Variants in FBN1 observed in about 807,000 individuals in gnomAD.
The protein encoded by FBN1 is fibrillin-1.
A neutral mutation model predicts 365.1 loss-of-function variants in FBN1; 29 were observed. The observed-to-expected ratio is 0.08, with a 90% CI of 0.06 to 0.11. The LOEUF (loss-of-function observed/expected upper bound fraction) is 0.11. Ranked by LOEUF, FBN1 falls within the 10% of genes least tolerant of loss-of-function variation. FBN1 has a pLI of 1.00. For synonymous variants in FBN1, 1,210 were observed against 1,270.5 expected (o/e 0.95, Z 1.01); for missense variants, 2,476 against 3,703.2 (o/e 0.67, Z 8.60).
intron 2 of FBN1, among the ~76,000 whole-genome samples, chr15:48,631,281 T>C (rs1263577272): frequency 6.6e-6 from 1 of 152,208 alleles, no homozygotes; most frequent in Non-Finnish European, 1.5e-5. Flanking sequence ...TGTTGCTGCA[T>C]GGCATGAAGC....
At chr15:48,529,782 C>T (rs2084425320) in intron 8 of FBN1, 1 of 152,890 alleles carries the variant, frequency 6.5e-6, no homozygotes. Flanking sequence ...GCTGACTCTT[C>T]ATGTTGACAA....
intron 56 of FBN1, among the ~76,000 whole-genome samples, chr15:48,429,959 T>C (rs1483816508): frequency 6.6e-6 from 1 of 152,230 alleles, no homozygotes; most frequent in African/African-American, 2.4e-5. Context: ...TAGGGTCAAA[T>C]AGGAAATATT....
chr15:48,599,928 T>C (rs911141552), intron 5 of FBN1, among the ~76,000 whole-genome samples: 1 of 152,248 alleles, frequency 6.6e-6, no homozygotes, highest in South Asian at 2.1e-4. Context: ...GGAAAATGAA[T>C]CAAACAACCT....
At chr15:48,421,441 G>T in intron 62 of FBN1, 117 bp downstream of exon 62, 1 of 1,243,084 alleles carries the variant, frequency 8.0e-7, no homozygotes, top group Non-Finnish European at 1.1e-6. Flanking sequence ...TTAGCTGAGT[G>T]CCCCCCTGGG....
intron 10 of FBN1, among the ~76,000 whole-genome samples, chr15:48,517,541 A>G (rs2043815872): frequency 6.6e-6 from 1 of 152,198 alleles, no homozygotes; most frequent in Non-Finnish European, 1.5e-5. Context: ...ACTATTTTTC[A>G]CAGTGTCAGG....
At chr15:48,523,171 C>T (rs2043875339) in intron 9 of FBN1, among the ~76,000 whole-genome samples, 1 of 152,216 alleles carries the variant, frequency 6.6e-6, no homozygotes, top group Non-Finnish European at 1.5e-5. Context: ...GGCTTATATC[C>T]CAGCTTCAAA....
In FBN1 at chr15:48,428,347, A is replaced by T. The variant is rs1338271976; in HGVS notation, c.6996T>A (p.Leu2332=). ...AAGTGCGGTGCCAACTGTACTCACCAAGGCACTCGTCCTGGTTGGGGCTGG... is the reference window on the plus strand; with the variant it reads ...AAGTGCGGTGCCAACTGTACTCACCTAGGCACTCGTCCTGGTTGGGGCTGG... ...FTASPNQDEC[L]DNREGYCFTE... The change falls in exon 57 of 66, where the codon CTT becomes CTA. Residue 2332 remains leucine (L), a splice_region_variant and synonymous_variant. Coordinates refer to ENST00000316623, the MANE Select transcript of FBN1 (RefSeq NM_000138.5). The T allele has an allele frequency of 1.9e-6, 3 of 1,614,082 alleles. No individual in the cohort carries two copies. In the East Asian group the frequency reaches 6.7e-5, roughly 36 times the overall value.
At chr15:48,535,342 G>A (rs574557258) in intron 7 of FBN1, among the ~76,000 whole-genome samples, 1 of 152,176 alleles carries the variant, frequency 6.6e-6, no homozygotes, top group Non-Finnish European at 1.5e-5. Flanking sequence ...AGAAAGCAGG[G>A]ACTTTGTCCA....
rs1391573255 is a variant in FBN1 at position 48,408,541 on chromosome 15, T to C, written c.*2449A>G. On this transcript the variant is annotated 3_prime_UTR_variant, in exon 66 of 66. Transcript: ENST00000316623. ...TGGCAAATGAAATGGGCTGAGGGGG[T>C]AGAGACAAGATATTTTCAAGCTTCT... 2 of 152,422 alleles carry C rather than the reference T, an allele frequency of 1.3e-5. No individual in the cohort carries two copies. The highest frequency in any genetic ancestry group is 2.9e-5 in the Non-Finnish European group (2 of 68,010). 9.4% of individuals were successfully genotyped at this position (152,422 alleles called of 1,614,324 possible).
intron 63 of FBN1, among the ~76,000 whole-genome samples, chr15:48,419,657 G>A (rs2042925302): frequency 6.6e-6 from 1 of 152,202 alleles, no homozygotes; most frequent in Admixed American, 6.5e-5. Flanking sequence ...AATCAAACTA[G>A]ATGACAGAGA....
At chr15:48,527,731 T>A (rs1367006652) in intron 8 of FBN1, among the ~76,000 whole-genome samples, 1 of 152,246 alleles carries the variant, frequency 6.6e-6, no homozygotes, top group East Asian at 1.9e-4. Flanking sequence ...AAATCACCAT[T>A]CTTCCATGCT....
At chr15:48,447,994 A>G (rs1281625331) in intron 46 of FBN1, among the ~76,000 whole-genome samples, 1 of 152,160 alleles carries the variant, frequency 6.6e-6, no homozygotes, top group Non-Finnish European at 1.5e-5. Flanking sequence ...GGATCATCAT[A>G]GCTTTTACAC....
chr15:48,580,550 A>G (rs988205678), intron 6 of FBN1, among the ~76,000 whole-genome samples: 5 of 152,210 alleles, frequency 3.3e-5, no homozygotes, highest in Non-Finnish European at 7.3e-5. Flanking sequence ...CCTACAGTCA[A>G]AAGACCGGGT....
intron 25 of FBN1, 31 bp from the exon 26 acceptor site, chr15:48,488,524 A>C: frequency 1.2e-6 from 2 of 1,609,260 alleles, no homozygotes; most frequent in Non-Finnish European, 1.7e-6. Context: ...GGGGCAAAAT[A>C]AGTTTATGAG....
intron 6 of FBN1, among the ~76,000 whole-genome samples, chr15:48,546,108 G>A (rs1488796083): frequency 1.3e-5 from 2 of 152,178 alleles, no homozygotes; most frequent in Non-Finnish European, 2.9e-5. Context: ...TTTTACAACT[G>A]TAAAACAGAA....
chr15:48,434,776 A>C, intron 53 of FBN1, 63 bp from the exon 54 acceptor site: 3 of 1,590,684 alleles, frequency 1.9e-6, no homozygotes, highest in Non-Finnish European at 2.6e-6. Context: ...TTATTCTATC[A>C]GAGGATTTTA....
chr15:48,523,375 T>C (rs1245097544), intron 9 of FBN1, among the ~76,000 whole-genome samples: 1 of 152,242 alleles, frequency 6.6e-6, no homozygotes, highest in Non-Finnish European at 1.5e-5. Flanking sequence ...GGCTGACTTA[T>C]ATGTTAAATC....
intron 13 of FBN1, among the ~76,000 whole-genome samples, chr15:48,511,461 C>T (rs2043758276): frequency 6.6e-6 from 1 of 151,658 alleles, no homozygotes; most frequent in Non-Finnish European, 1.5e-5. Context: ...TTTTGAGGCC[C>T]AAGGTTAAAA....
At chr15:48,553,207 G>C (rs2044156243) in intron 6 of FBN1, among the ~76,000 whole-genome samples, 1 of 151,980 alleles carries the variant, frequency 6.6e-6, no homozygotes, top group Non-Finnish European at 1.5e-5. Context: ...AATGTGATAT[G>C]CCCTATATAC....
Sources: gnomAD v4.1 joint callset for allele counts (sites outside exome capture counted in the v4.1 genomes callset) on GRCh38, gnomAD v4.1.1 for gene constraint, MANE v1.5 for transcripts, NCBI Gene and HGNC (gene_info 2026-07-23, HGNC 2026-07-21) for gene names.